Variants in TBC1D5 observed in about 807,000 individuals in gnomAD.
The protein encoded by TBC1D5 is TBC1 domain family member 5.
TBC1D5 carries 75 observed loss-of-function variants against 100.3 expected under a neutral mutation model. The ratio of observed to expected loss-of-function variants is 0.75; its 90% confidence interval spans 0.62 to 0.91. The LOEUF is 0.91. Among genes scored for constraint, TBC1D5 ranks in the 40% least tolerant of loss-of-function variants. The pLI is 0.00. For missense variants in TBC1D5, 910 were observed against 942.4 expected (o/e 0.97, Z 0.45); for synonymous variants, 323 against 325.6 (o/e 0.99, Z 0.09).
chr3:17,552,412 A>G (rs146557911), intron 2 of TBC1D5, among the ~76,000 whole-genome samples: 143 of 152,230 alleles, frequency 9.4e-4, no homozygotes, highest in African/African-American at 3.3e-3. Context: ...CAAACAGCAC[A>G]CTAAGGATGT....
intron 1 of TBC1D5, chr3:17,664,885 GAAT>G (rs1487560367): frequency 6.6e-6 from 1 of 152,048 alleles, no homozygotes; most frequent in Admixed American, 6.5e-5. Flanking sequence ...GCTTGGACAG[GAAT>G]CAAGGAAGGC....
At chr3:17,589,526 C>T (rs980384783) in intron 2 of TBC1D5, among the ~76,000 whole-genome samples, 9 of 152,170 alleles carry the variant, frequency 5.9e-5, no homozygotes, top group African/African-American at 2.2e-4. Flanking sequence ...TGCACAAGAT[C>T]TTGACTCTTG....
intron 17 of TBC1D5, among the ~76,000 whole-genome samples, chr3:17,221,893 T>C (rs2074333491): frequency 6.6e-6 from 1 of 152,188 alleles, no homozygotes; most frequent in South Asian, 2.1e-4. Context: ...AAGAGAAAAC[T>C]TCTCTACATT....
intron 1 of TBC1D5, among the ~76,000 whole-genome samples, chr3:17,738,618 G>C (rs1306805612): frequency 6.6e-6 from 1 of 152,136 alleles, no homozygotes; most frequent in African/African-American, 2.4e-5. Context: ...ATGCTTCCCT[G>C]GGATAACCGT....
Position 17,603,621 on chromosome 3 carries a change from G to C in TBC1D5, c.-36+20228C>G, listed in dbSNP as rs146323467. The stretch of plus-strand genomic sequence containing the variant: ...AAACAACCATAAAAATAGCCAACCA[G>C]CAGCCCCCAGAATCAAAGTCATTCT... On this transcript the variant is annotated intron_variant, in intron 2 of 21. Coordinates refer to ENST00000253692, the Ensembl canonical transcript of TBC1D5. Among the ~76,000 whole-genome samples the C allele has an allele frequency of 7.9e-5, 12 of 152,176 alleles. 1 individual carries two copies. The East Asian group carries it at 2.3e-3, about 29-fold the overall frequency.
intron 13 of TBC1D5, among the ~76,000 whole-genome samples, chr3:17,311,100 C>A (rs559147849): frequency 1.3e-5 from 2 of 152,014 alleles, no homozygotes; most frequent in Non-Finnish European, 2.9e-5. Context: ...GAAAAACTTA[C>A]CCTAAGAAAT....
Position 17,688,157 on chromosome 3 carries a change from T to TA in TBC1D5, c.-101+51185dup, listed in dbSNP as rs1190605033. On this transcript the variant is annotated intron_variant, in intron 1 of 21. Transcript: ENST00000253692. ...ATGGAGAACTGTTCACAGTATTAAATAAAAAAATATAAACTATTTCATATA... is the reference window on the plus strand; with the variant it reads ...ATGGAGAACTGTTCACAGTATTAAATAAAAAAAATATAAACTATTTCATATA... 2.6e-5 allele frequency among the ~76,000 whole-genome samples: 4 copies of TA among 152,112 alleles called. No homozygotes were observed. In the East Asian group the frequency reaches 5.8e-4, roughly 22 times the overall value.
intron 15 of TBC1D5, among the ~76,000 whole-genome samples, chr3:17,260,173 C>G (rs188080773): frequency 3.4e-4 from 52 of 152,248 alleles, no homozygotes; most frequent in Non-Finnish European, 6.3e-4. Context: ...AATTAACTTT[C>G]GCAGGACTAT....
chr3:17,446,745 G>A (rs2094805974), intron 3 of TBC1D5, among the ~76,000 whole-genome samples: 1 of 152,232 alleles, frequency 6.6e-6, no homozygotes, highest in African/African-American at 2.4e-5. Flanking sequence ...GCCGAGGCGG[G>A]TGGATCACGA....
chr3:17,421,418 GC>G (rs1559850647), intron 4 of TBC1D5, among the ~76,000 whole-genome samples: 1 of 152,086 alleles, frequency 6.6e-6, no homozygotes, highest in Non-Finnish European at 1.5e-5. Context: ...AATATAAGAA[GC>G]GATTATATAA....
intron 8 of TBC1D5, among the ~76,000 whole-genome samples, chr3:17,390,224 A>C (rs537943478): frequency 5.9e-5 from 9 of 152,066 alleles, no homozygotes; most frequent in Non-Finnish European, 1.2e-4. Flanking sequence ...CTAAACACCA[A>C]CTTTGGAGCC....
At chr3:17,416,409 T>C (rs913184147) in intron 4 of TBC1D5, among the ~76,000 whole-genome samples, 3 of 152,202 alleles carry the variant, frequency 2.0e-5, no homozygotes, top group Non-Finnish European at 4.4e-5. Flanking sequence ...AGTTCCCATA[T>C]TGGACAGGGA....
At chr3:17,640,197 A>G (rs934482139) in intron 1 of TBC1D5, among the ~76,000 whole-genome samples, 2 of 152,168 alleles carry the variant, frequency 1.3e-5, no homozygotes, top group Non-Finnish European at 2.9e-5. Flanking sequence ...TTAACTTTAT[A>G]GAGCTAGAAC....
intron 2 of TBC1D5, among the ~76,000 whole-genome samples, chr3:17,539,514 GCTAT>G (rs2096326127): frequency 6.6e-6 from 1 of 151,700 alleles, no homozygotes; most frequent in Non-Finnish European, 1.5e-5. Flanking sequence ...TCCAGGGCCT[GCTAT>G]CTGTCATGTG....
intron 7 of TBC1D5, 30 bp from the exon 8 acceptor site, chr3:17,403,278 G>C: frequency 6.9e-7 from 1 of 1,439,434 alleles, no homozygotes; most frequent in Non-Finnish European, 9.4e-7. Context: ...CTATTATATA[G>C]TCTCACACCT....
chr3:17,231,509 C>G (rs770489793), intron 17 of TBC1D5, among the ~76,000 whole-genome samples: 12 of 152,096 alleles, frequency 7.9e-5, no homozygotes, highest in Admixed American at 1.3e-4. Flanking sequence ...AAAAGACTAT[C>G]TATAATCAAG....
At chr3:17,347,524 T>TTAAAA (rs2090052074) in intron 13 of TBC1D5, among the ~76,000 whole-genome samples, 1 of 152,064 alleles carries the variant, frequency 6.6e-6, no homozygotes, top group Non-Finnish European at 1.5e-5. Flanking sequence ...TTACCTAAAA[T>TTAAAA]CATAAGCCTA....
In TBC1D5 at chr3:17,390,230, G is replaced by C. The variant is rs542758362; in HGVS notation, c.510-6215C>G. 3.3e-5 allele frequency among the ~76,000 whole-genome samples: 5 copies of C among 152,154 alleles called. No homozygotes were observed. In the South Asian group the frequency reaches 1.0e-3, roughly 32 times the overall value. On this transcript the variant is annotated intron_variant, in intron 8 of 21. Coordinates refer to ENST00000253692, the Ensembl canonical transcript of TBC1D5. Reference sequence around the variant, plus strand: ...GGAGAACAACTAAACACCAACTTTGGAGCCCCAATAACCAGGAACCCAGGT... The same window carrying C: ...GGAGAACAACTAAACACCAACTTTGCAGCCCCAATAACCAGGAACCCAGGT...
chr3:17,721,458 CAT>C (rs1491410540), intron 1 of TBC1D5, among the ~76,000 whole-genome samples: 5 of 104,024 alleles, frequency 4.8e-5, no homozygotes, highest in Admixed American at 2.2e-4. Flanking sequence ...TGTGTGAGAG[CAT>C]GTGTGTGTGT....
Sources: allele counts gnomAD v4.1 joint callset (sites outside exome capture counted in the v4.1 genomes callset), GRCh38; gene constraint gnomAD v4.1.1; transcripts MANE v1.5; gene names NCBI Gene and HGNC (gene_info 2026-07-23, HGNC 2026-07-21).